Variants in ABCA1 observed in about 807,000 individuals in gnomAD.
ABCA1 encodes phospholipid-transporting ATPase ABCA1.
ABCA1 carries 133 observed loss-of-function variants against 262.5 expected under a neutral mutation model. The ratio of observed to expected loss-of-function variants is 0.51; its 90% confidence interval spans 0.44 to 0.59. The LOEUF is 0.59. Among genes scored for constraint, ABCA1 ranks in the 20% least tolerant of loss-of-function variants. The pLI, the probability that ABCA1 is intolerant of heterozygous loss-of-function variation, is 0.00. For synonymous variants in ABCA1, 1,022 were observed against 1,043.5 expected (o/e 0.98, Z 0.40); for missense variants, 2,452 against 2,777.5 (o/e 0.88, Z 2.63).
chr9:104,844,081 C>T (rs893410103), intron 8 of ABCA1, among the ~76,000 whole-genome samples: 2 of 151,236 alleles, frequency 1.3e-5, no homozygotes, highest in African/African-American at 4.9e-5. Context: ...TGTAACCAAA[C>T]CCTGAGTTTA....
At position 104,858,672 on chromosome 9, in the gene ABCA1, A is replaced by G; in HGVS notation, c.570T>C (p.His190=). The G allele has an allele frequency of 6.2e-7, 1 of 1,614,206 alleles. No homozygotes were observed. The highest frequency in any genetic ancestry group is 8.5e-7 in the Non-Finnish European group (1 of 1,180,040). Residue 190 remains histidine (H), a synonymous_variant, in exon 7 of 50, where the codon CAT becomes CAC. Coordinates refer to ENST00000374736, the MANE Select transcript of ABCA1 (RefSeq NM_005502.4). ...HKVFLQGYQL[H]LTSLCNGSKS... ...TTGATCCATTGCACAGACTTGTCAAATGTAACTGGTAGCCTTGCAAAAATA... is the reference window on the plus strand; with the variant it reads ...TTGATCCATTGCACAGACTTGTCAAGTGTAACTGGTAGCCTTGCAAAAATA...
At chr9:104,793,368 T>C in intron 40 of ABCA1, 68 bp from the exon 41 acceptor site, 3 of 1,608,604 alleles carry the variant, frequency 1.9e-6, no homozygotes, top group Non-Finnish European at 2.5e-6. Context: ...TCCTCAAATT[T>C]GGGCCTATGT....
chr9:104,874,294 G>C (rs1206907219), intron 5 of ABCA1, among the ~76,000 whole-genome samples: 1 of 151,858 alleles, frequency 6.6e-6, no homozygotes, highest in African/African-American at 2.4e-5. Flanking sequence ...CCAGCACTTT[G>C]GGAGGCCAAC....
At chr9:104,894,243 T>C (rs2118367845) in intron 2 of ABCA1, among the ~76,000 whole-genome samples, 1 of 152,284 alleles carries the variant, frequency 6.6e-6, no homozygotes, top group South Asian at 2.1e-4. Context: ...AAGGCTTATG[T>C]TCCTGGATAT....
chr9:104,824,388 G>C, intron 18 of ABCA1, 77 bp downstream of exon 18: 1 of 1,600,440 alleles, frequency 6.2e-7, no homozygotes, highest in Non-Finnish European at 8.5e-7. Flanking sequence ...AAAGGCAGGA[G>C]ACATCGCTTG....
intron 2 of ABCA1, among the ~76,000 whole-genome samples, chr9:104,895,606 C>A (rs1329185505): frequency 6.6e-6 from 1 of 152,200 alleles, no homozygotes; most frequent in Non-Finnish European, 1.5e-5. Context: ...AGGCTTAGCA[C>A]AGAGTCTAGT....
chr9:104,799,728 G>GTTCCCCTACAATGAGA, intron 36 of ABCA1, 91 bp downstream of exon 36: 1 of 1,612,126 alleles, frequency 6.2e-7, no homozygotes, highest in Non-Finnish European at 8.5e-7. Flanking sequence ...CTCTGCAGCT[G>GTTCCCCTACAATGAGA]TTCCCCTACA....
At chr9:104,788,627 A>T in intron 44 of ABCA1, 60 bp from the exon 45 acceptor site, 5 of 1,584,476 alleles carry the variant, frequency 3.2e-6, no homozygotes, top group Non-Finnish European at 4.3e-6. Context: ...TGGTTAGACA[A>T]TCTGGCCTAA....
rs199668464 is a variant in ABCA1, at chr9:104,809,544, G to A, written c.4196C>T (p.Thr1399Met). 46 of 1,614,046 alleles carry A rather than the reference G, an allele frequency of 2.8e-5. No individual in the cohort carries two copies. The highest frequency in any genetic ancestry group is 3.3e-4 in the Middle Eastern group (2 of 6,082). Residue 1399 changes from threonine to methionine, a missense_variant, in exon 30 of 50, where the codon ACG becomes ATG. By Grantham distance (81) the Thr-to-Met change is moderately conservative (BLOSUM62 -1). Coordinates refer to ENST00000374736, the MANE Select transcript of ABCA1 (RefSeq NM_005502.4). ...GGCGTTTAAGAGTTCCAGGGTTCCC[G>A]TGTCCTCAGGAGCATCATTGCTGTG... ...TFVSNDAPED[T>M]GTLELLNALT...
chr9:104,885,972 T>C (rs1343855151), intron 3 of ABCA1, among the ~76,000 whole-genome samples: 1 of 152,190 alleles, frequency 6.6e-6, no homozygotes, highest in Non-Finnish European at 1.5e-5. Context: ...AGCCAAGTCA[T>C]TGACCCCATA....
intron 1 of ABCA1, among the ~76,000 whole-genome samples, chr9:104,913,165 GA>G (rs1160294175): frequency 6.6e-6 from 1 of 152,200 alleles, no homozygotes; most frequent in Non-Finnish European, 1.5e-5. Context: ...TGGTGGGGCA[GA>G]CAAACCCAAA....
chr9:104,889,445 C>G (rs1001556114), intron 2 of ABCA1: 1 of 865,990 alleles, frequency 1.2e-6, no homozygotes, highest in Non-Finnish European at 1.4e-6. Context: ...TGGTTCACTT[C>G]TATTCATTCT....
intron 21 of ABCA1, 101 bp downstream of exon 21, chr9:104,819,826 C>T (rs1032285741): frequency 1.9e-5 from 31 of 1,609,650 alleles, no homozygotes; most frequent in Admixed American, 1.2e-4. Flanking sequence ...TGTTACCAAC[C>T]GCACCCAGCC....
chr9:104,891,436 A>G (rs1839736453), intron 2 of ABCA1, among the ~76,000 whole-genome samples: 1 of 151,414 alleles, frequency 6.6e-6, no homozygotes, highest in Admixed American at 6.6e-5. Flanking sequence ...TGTCTACTAA[A>G]AATACAAAAA....
At position 104,809,572 on chromosome 9, in the gene ABCA1, T is replaced by C; in HGVS notation, c.4176-8A>G. Reference sequence around the variant, plus strand: ...TCCTCAGGAGCATCATTGCTGTGGGTACATGAGAGGCAGCCAGCTTAGTAA... The same window carrying C: ...TCCTCAGGAGCATCATTGCTGTGGGCACATGAGAGGCAGCCAGCTTAGTAA... On this transcript the variant is annotated splice_region_variant and splice_polypyrimidine_tract_variant and intron_variant, in intron 29 of 49. Transcript: ENST00000374736. 1 of 1,612,274 alleles carries C rather than the reference T, an allele frequency of 6.2e-7. No individual in the cohort carries two copies. Among genetic ancestry groups the C allele is most frequent in the Non-Finnish European group, 8.5e-7 (1 of 1,178,304 alleles).
At chr9:104,887,983 T>A (rs1385695965) in intron 3 of ABCA1, among the ~76,000 whole-genome samples, 3 of 152,030 alleles carry the variant, frequency 2.0e-5, no homozygotes, top group Non-Finnish European at 4.4e-5. Context: ...CACCTTGACT[T>A]CCCACTGTGC....
chr9:104,795,717 G>A (rs377202762), intron 39 of ABCA1, among the ~76,000 whole-genome samples: 8 of 152,188 alleles, frequency 5.3e-5, no homozygotes, highest in Non-Finnish European at 5.9e-5. Flanking sequence ...AACACCAAGA[G>A]AGGTGATGGT....
At chr9:104,842,748 A>T (rs1483986209) in intron 8 of ABCA1, among the ~76,000 whole-genome samples, 1 of 151,914 alleles carries the variant, frequency 6.6e-6, no homozygotes, top group African/African-American at 2.4e-5. Context: ...CCTTTCCCCC[A>T]TCCCAGTCTC....
chr9:104,915,061 T>C (rs1323427626), intron 1 of ABCA1, among the ~76,000 whole-genome samples: 8 of 152,190 alleles, frequency 5.3e-5, no homozygotes, highest in Admixed American at 4.6e-4. Context: ...AACCCATAGA[T>C]AGGCTCAAGT....
Sources: gnomAD v4.1 joint callset for allele counts (sites outside exome capture counted in the v4.1 genomes callset) on GRCh38, gnomAD v4.1.1 for gene constraint, MANE v1.5 for transcripts, NCBI Gene and HGNC (gene_info 2026-07-23, HGNC 2026-07-21) for gene names.